The following DAB1 variants were observed in gnomAD, a reference collection of about 807,000 sequenced individuals.
DAB1 encodes disabled homolog 1.
Under a neutral mutation model 64.6 loss-of-function variants are expected in DAB1, and 15 were observed. The observed-to-expected ratio is 0.23, with a 90% CI of 0.16 to 0.36. The LOEUF (loss-of-function observed/expected upper bound fraction) is 0.36. Ranked by LOEUF, DAB1 falls within the 10% of genes least tolerant of loss-of-function variation. The pLI, the probability that DAB1 is intolerant of heterozygous loss-of-function variation, is 1.00. For missense variants in DAB1, 596 were observed against 706.7 expected, an observed-to-expected ratio of 0.84 and a Z score of 1.78; for synonymous variants, 235 against 251.9, an observed-to-expected ratio of 0.93 and a Z score of 0.64.
intron 1 of DAB1, chr1:58,530,793 T>C: frequency 1.2e-6 from 1 of 804,984 alleles, no homozygotes; most frequent in Non-Finnish European, 2.2e-6. Flanking sequence ...GCTTACATTT[T>C]CTAGTTCATC....
intron 4 of DAB1, among the ~76,000 whole-genome samples, chr1:57,086,326 G>C (rs1158175290): frequency 6.6e-6 from 1 of 152,078 alleles, no homozygotes; most frequent in Non-Finnish European, 1.5e-5. Flanking sequence ...AGTGTGCCAA[G>C]GGATGCTCAG....
At chr1:58,146,192 T>A (rs1255256871) in intron 5 of DAB1, among the ~76,000 whole-genome samples, 7 of 152,184 alleles carry the variant, frequency 4.6e-5, no homozygotes, top group African/African-American at 1.7e-4. Context: ...AATCGTGTTT[T>A]TGGGGAGTGA....
chr1:57,861,867 C>T (rs1654052709), intron 1 of DAB1, among the ~76,000 whole-genome samples: 1 of 151,458 alleles, frequency 6.6e-6, no homozygotes, highest in African/African-American at 2.4e-5. Context: ...AAGAACCAAA[C>T]CATTTTCAGG....
At chr1:58,426,515 G>T (rs955643776) in intron 3 of DAB1, among the ~76,000 whole-genome samples, 3 of 152,196 alleles carry the variant, frequency 2.0e-5, no homozygotes, top group Non-Finnish European at 1.5e-5. Flanking sequence ...TCAACAAGCT[G>T]GAGATCCAGG....
intron 4 of DAB1, among the ~76,000 whole-genome samples, chr1:58,152,375 T>A (rs1654993902): frequency 6.6e-6 from 1 of 152,168 alleles, no homozygotes; most frequent in Non-Finnish European, 1.5e-5. Flanking sequence ...CCACAGTGAA[T>A]CTGTATCCCA....
intron 6 of DAB1, among the ~76,000 whole-genome samples, chr1:57,759,600 G>A (rs1648973197): frequency 6.6e-6 from 1 of 152,166 alleles, no homozygotes; most frequent in Non-Finnish European, 1.5e-5. Context: ...TAATAAATCT[G>A]CATTGTTTCA....
chr1:57,428,436 T>A (rs193042746), upstream of DAB1, among the ~76,000 whole-genome samples: 64 of 152,344 alleles, frequency 4.2e-4, no homozygotes, highest in African/African-American at 1.5e-3. Flanking sequence ...GTCTGGCTTA[T>A]TTCACTTAAC....
At chr1:57,913,756 C>A (rs28895987) in intron 5 of DAB1, among the ~76,000 whole-genome samples, 1 of 121,410 alleles carries the variant, frequency 8.2e-6, no homozygotes, top group South Asian at 2.9e-4. Context: ...AAGAAAAAAA[C>A]AAACAACCCC....
At chr1:57,691,227 TG>T (rs1646760214) in intron 6 of DAB1, among the ~76,000 whole-genome samples, 1 of 152,074 alleles carries the variant, frequency 6.6e-6, no homozygotes, top group East Asian at 1.9e-4. Context: ...ACCAGCACTC[TG>T]TAAAAATGCA....
chr1:57,051,329 C>T (rs528928685), intron 9 of DAB1, among the ~76,000 whole-genome samples: 5 of 152,242 alleles, frequency 3.3e-5, no homozygotes, highest in African/African-American at 1.2e-4. Context: ...GTGAAATTGA[C>T]AAACGTTCAG....
At chr1:57,471,304 A>G (rs1371541721) in intron 7 of DAB1, among the ~76,000 whole-genome samples, 6 of 152,232 alleles carry the variant, frequency 3.9e-5, no homozygotes, top group Non-Finnish European at 8.8e-5. Flanking sequence ...CCAAATGGGA[A>G]CAATGAGAGG....
intron 5 of DAB1, among the ~76,000 whole-genome samples, chr1:58,093,037 C>T (rs996805153): frequency 1.3e-5 from 2 of 152,222 alleles, no homozygotes; most frequent in Non-Finnish European, 2.9e-5. Context: ...GAGTGCCACA[C>T]AAACTTCCCC....
chr1:58,128,374 T>A (rs1287831094), intron 5 of DAB1, among the ~76,000 whole-genome samples: 1 of 144,570 alleles, frequency 6.9e-6, no homozygotes, highest in African/African-American at 2.6e-5. Context: ...GACAATGGGG[T>A]TTTCTAGATA....
At chr1:57,738,883 G>A (rs1010020439) in intron 6 of DAB1, among the ~76,000 whole-genome samples, 1 of 152,198 alleles carries the variant, frequency 6.6e-6, no homozygotes, top group South Asian at 2.1e-4. Flanking sequence ...AATAGAGGAA[G>A]ATGCAAGATT....
chr1:58,166,764 T>A (rs1655858275), intron 4 of DAB1, among the ~76,000 whole-genome samples: 1 of 151,568 alleles, frequency 6.6e-6, no homozygotes, highest in African/African-American at 2.4e-5. Flanking sequence ...TTTTTTTTTT[T>A]TAATTTGAGA....
chr1:57,707,285 A>T (rs1217500516), intron 6 of DAB1, among the ~76,000 whole-genome samples: 1 of 150,390 alleles, frequency 6.6e-6, no homozygotes, highest in Non-Finnish European at 1.5e-5. Context: ...TAGGTATTAG[A>T]TTTTTTTTTA....
chr1:57,219,347 T>C (rs1020600961), intron 2 of DAB1, among the ~76,000 whole-genome samples: 9 of 151,830 alleles, frequency 5.9e-5, no homozygotes, highest in Non-Finnish European at 1.3e-4. Flanking sequence ...TTCCATTCAA[T>C]CAGTATGGCT....
intron 1 of DAB1, among the ~76,000 whole-genome samples, chr1:57,301,244 G>A (rs1260239614): frequency 6.6e-6 from 1 of 152,150 alleles, no homozygotes; most frequent in African/African-American, 2.4e-5. Context: ...GGTACAGAGG[G>A]AGATTAAACA....
Position 57,857,287 on chromosome 1 carries a change from G to A in DAB1, n.87+26712C>T, listed in dbSNP as rs537627193. Among the ~76,000 whole-genome samples, 3 of 152,314 alleles carry A rather than the reference G, an allele frequency of 2.0e-5. No individual in the cohort carries two copies. In the South Asian group the frequency reaches 6.2e-4, roughly 32 times the overall value. ...AAGTGCTAGATTGATTTTTAATATGGCAAAAGAAGATTAACCATCAAAAGT... is the reference window on the plus strand; with the variant it reads ...AAGTGCTAGATTGATTTTTAATATGACAAAAGAAGATTAACCATCAAAAGT... On this transcript the variant is annotated intron_variant and non_coding_transcript_variant, in intron 1 of 1. Transcript: ENST00000477280.
Sources: gnomAD v4.1 joint callset for allele counts (sites outside exome capture counted in the v4.1 genomes callset) on GRCh38, gnomAD v4.1.1 for gene constraint, MANE v1.5 for transcripts, NCBI Gene and HGNC (gene_info 2026-07-23, HGNC 2026-07-21) for gene names.